RGS20: variants seen among roughly 807,000 people sequenced by gnomAD.
The protein encoded by RGS20 is regulator of G protein signaling 20.
RGS20 carries 30 observed loss-of-function variants against 33.6 expected under a neutral mutation model. The ratio of observed to expected loss-of-function variants is 0.89; its 90% CI spans 0.67 to 1.21. The LOEUF is 1.21. Ranked by LOEUF, RGS20 falls within the 50% of genes most tolerant of loss-of-function variation. The pLI, the probability that RGS20 is intolerant of heterozygous loss-of-function variation, is 0.00. For missense variants in RGS20, 472 were observed against 502.4 expected, an observed-to-expected ratio of 0.94 and a Z score of 0.58; for synonymous variants, 208 against 197.9, an observed-to-expected ratio of 1.05 and a Z score of -0.43.
intron 4 of RGS20, among the ~76,000 whole-genome samples, chr8:53,952,430 T>TAA (rs934212051): frequency 7.0e-6 from 1 of 142,838 alleles, no homozygotes; most frequent in African/African-American, 2.6e-5. Context: ...TTGATAAACT[T>TAA]AAAAAAAAAA....
At chr8:53,927,690 CAG>C (rs1226545023) in intron 2 of RGS20, among the ~76,000 whole-genome samples, 3 of 152,138 alleles carry the variant, frequency 2.0e-5, no homozygotes, top group African/African-American at 7.2e-5. Context: ...CTCTGCCAAA[CAG>C]ACTAAAAAAG....
intron 5 of RGS20, among the ~76,000 whole-genome samples, chr8:53,956,866 G>A (rs1459003455): frequency 1.3e-5 from 2 of 152,046 alleles, no homozygotes; most frequent in Non-Finnish European, 2.9e-5. Flanking sequence ...ACCAAAAACA[G>A]GCCGGGCACA....
At chr8:53,879,763 G>C (rs1015141817) in intron 2 of RGS20, 5 of 576,548 alleles carry the variant, frequency 8.7e-6, no homozygotes, top group Non-Finnish European at 1.4e-5. Context: ...GTCCTAGGAC[G>C]GGACATTGGC....
chr8:53,898,032 A>G (rs761866649), intron 2 of RGS20, among the ~76,000 whole-genome samples: 24 of 152,056 alleles, frequency 1.6e-4, no homozygotes, highest in Non-Finnish European at 2.8e-4. Context: ...TCCGGGCCAT[A>G]CTTTGGGAGC....
intron 3 of RGS20, among the ~76,000 whole-genome samples, chr8:53,943,987 A>G (rs1814384499): frequency 2.0e-5 from 3 of 149,192 alleles, no homozygotes; most frequent in Admixed American, 2.0e-4. Flanking sequence ...CTTTAAAGAA[A>G]AATAGAGCTA....
intron 2 of RGS20, among the ~76,000 whole-genome samples, chr8:53,937,705 C>T (rs1563417397): frequency 6.6e-6 from 1 of 152,074 alleles, no homozygotes; most frequent in Non-Finnish European, 1.5e-5. Context: ...CAAACAACCC[C>T]ATCAAAAAGT....
chr8:53,858,612 A>T (rs1003117354), intron 1 of RGS20, among the ~76,000 whole-genome samples: 10 of 152,088 alleles, frequency 6.6e-5, no homozygotes, highest in African/African-American at 2.4e-4. Flanking sequence ...AGTCAATGTA[A>T]TATTGCAAAG....
chr8:53,912,310 G>T (rs1813366244), intron 2 of RGS20, among the ~76,000 whole-genome samples: 1 of 149,664 alleles, frequency 6.7e-6, no homozygotes, highest in African/African-American at 2.5e-5. Context: ...TGAGATTTAA[G>T]CCAATTTCCC....
intron 2 of RGS20, among the ~76,000 whole-genome samples, chr8:53,925,859 C>T (rs1813782073): frequency 6.6e-6 from 1 of 152,098 alleles, no homozygotes; most frequent in African/African-American, 2.4e-5. Flanking sequence ...AACGGAGGCC[C>T]TGTGGGAGCC....
At chr8:53,895,084 C>T (rs1013750786) in intron 2 of RGS20, among the ~76,000 whole-genome samples, 8 of 151,972 alleles carry the variant, frequency 5.3e-5, no homozygotes, top group African/African-American at 1.7e-4. Context: ...GAGATGGGGC[C>T]GCCAGCCTAG....
rs144707815 is a variant in RGS20, at chr8:53,859,673, C to G, written c.165+7609C>G. On this transcript the variant is annotated intron_variant, in intron 1 of 5. Coordinates refer to ENST00000297313, the MANE Select transcript of RGS20 (RefSeq NM_170587.4). Reference sequence around the variant, plus strand: ...TTTCATACTGCTGTGAAGAAATACCCGAGACTGGTTGATATATAAAGAAAA... The same window carrying G: ...TTTCATACTGCTGTGAAGAAATACCGGAGACTGGTTGATATATAAAGAAAA... Among the ~76,000 whole-genome samples the G allele has an allele frequency of 3.3e-5, 5 of 152,176 alleles. No individual in the cohort carries two copies. The South Asian group carries it at 1.0e-3, about 32-fold the overall frequency.
At chr8:53,857,594 G>A (rs1811707397) in intron 1 of RGS20, among the ~76,000 whole-genome samples, 1 of 152,190 alleles carries the variant, frequency 6.6e-6, no homozygotes, top group African/African-American at 2.4e-5. Context: ...TCTACAGTAT[G>A]GTGACTGTAG....
rs1812298702 is a variant in RGS20 at position 53,879,582 on chromosome 8, G to A, written c.490G>A (p.Gly164Arg). 1 of 1,526,108 alleles carries A rather than the reference G, an allele frequency of 6.6e-7. No homozygotes were observed. The highest frequency in any genetic ancestry group is 1.2e-5 in the South Asian group (1 of 80,654). The allele number at this position is 1,526,108 out of a possible 1,614,324, so 94.5% of individuals were successfully genotyped here. Reference sequence around the variant, plus strand: ...GCCCAGGGAAGAAGACGCCACCGCTGGGCAGAGCTCGCCTATGCCGGTGAG... The same window carrying A: ...GCCCAGGGAAGAAGACGCCACCGCTAGGCAGAGCTCGCCTATGCCGGTGAG... Residue 164 changes from glycine to arginine, a missense_variant, in exon 2 of 6, where the codon GGG becomes AGG. Around this residue, in one of 3 missense-constraint regions of RGS20, gnomAD observed 319 missense variants for 283.4 expected, o/e 1.13. Transcript: ENST00000297313.
chr8:53,920,765 T>C (rs2129286282), intron 2 of RGS20, among the ~76,000 whole-genome samples: 1 of 149,594 alleles, frequency 6.7e-6, no homozygotes, highest in Non-Finnish European at 1.5e-5. Context: ...TGTCAAATAA[T>C]TTTTTTTTTG....
intron 1 of RGS20, among the ~76,000 whole-genome samples, chr8:53,874,329 A>G (rs926678800): frequency 9.2e-5 from 14 of 151,772 alleles, no homozygotes; most frequent in Admixed American, 5.3e-4. Flanking sequence ...AAAGGTGTGC[A>G]TTAGTCAAGG....
At chr8:53,916,662 G>A (rs1208676286) in intron 2 of RGS20, among the ~76,000 whole-genome samples, 1 of 152,114 alleles carries the variant, frequency 6.6e-6, no homozygotes, top group East Asian at 1.9e-4. Context: ...TCTAGTAGTG[G>A]ATTTTTGTTT....
chr8:53,939,333 C>T (rs1451761315), intron 2 of RGS20, among the ~76,000 whole-genome samples: 3 of 152,170 alleles, frequency 2.0e-5, no homozygotes, highest in Admixed American at 2.0e-4. Flanking sequence ...TAAGGAGGGG[C>T]CTTCCATCTG....
At chr8:53,928,916 C>T (rs12114135) in intron 2 of RGS20, among the ~76,000 whole-genome samples, 2,396 of 152,122 alleles carry the variant, frequency 0.016, 52 homozygotes, top group African/African-American at 0.054. Flanking sequence ...AGTCCATCAA[C>T]AGGTGAATGG....
chr8:53,888,036 G>A (rs577246390), intron 2 of RGS20, among the ~76,000 whole-genome samples: 9 of 152,044 alleles, frequency 5.9e-5, no homozygotes, highest in Admixed American at 2.0e-4. Context: ...GACTCCAGAA[G>A]AATCTTACAT....
Sources: allele counts gnomAD v4.1 joint callset (sites outside exome capture counted in the v4.1 genomes callset), GRCh38; gene constraint gnomAD v4.1.1; regional missense constraint gnomAD v4.1.1; transcripts MANE v1.5; gene names NCBI Gene and HGNC (gene_info 2026-07-23, HGNC 2026-07-21).